SLC15A2: variants seen among roughly 807,000 people sequenced by gnomAD.
SLC15A2 encodes the protein kidney H(+)/peptide cotransporter.
A neutral mutation model predicts 95.5 loss-of-function variants in SLC15A2; 77 were observed. The observed-to-expected ratio is 0.81, with a 90% CI of 0.67 to 0.97. The LOEUF (loss-of-function observed/expected upper bound fraction) is 0.97. Among genes scored for constraint, SLC15A2 ranks in the 50% least tolerant of loss-of-function variants. SLC15A2 has a pLI of 0.00. For missense variants in SLC15A2, 893 were observed against 874.4 expected (o/e 1.02, Z -0.27); for synonymous variants, 306 against 306.9 (o/e 1.00, Z 0.03).
Position 121,940,904 on chromosome 3 carries a change from A to G in SLC15A2, c.2087A>G (p.Tyr696Cys), listed in dbSNP as rs1384488980. Residue 696 changes from tyrosine (Y) to cysteine (C), a missense_variant, in exon 22 of 22, where the codon TAT becomes TGT. Physicochemically the swap from Tyr to Cys is radical, Grantham distance 194. Transcript: ENST00000489711. ...ATCTTCTCCATCATGGGCTACTACT[A>G]TGTTCCTGTAAAGACAGAGGATATG... ...CLIFSIMGYY[Y>C]VPVKTEDMRG... 10 of 1,613,972 alleles carry G rather than the reference A, an allele frequency of 6.2e-6. No individual in the cohort carries two copies. Among genetic ancestry groups the G allele is most frequent in the East Asian group, 2.2e-5 (1 of 44,890 alleles).
In SLC15A2 at chr3:121,894,423, A is replaced by G; in HGVS notation, c.-54A>G. The G allele has an allele frequency of 2.1e-6, 3 of 1,428,490 alleles. No homozygotes were observed. Among genetic ancestry groups the G allele is most frequent in the Middle Eastern group, 1.8e-4 (1 of 5,622 alleles). 88.5% of individuals were successfully genotyped at this position (1,428,490 alleles called of 1,614,324 possible). A position where few individuals can be genotyped will look rare whatever the true frequency, so the allele number is the denominator to read the frequency against. The stretch of plus-strand genomic sequence containing the variant: ...TTCAGAGTAGGCTGGCAGCTGTCCT[A>G]ACTGCCTACTAAAGCCAAATGCTTG... On this transcript the variant is annotated 5_prime_UTR_variant, in exon 1 of 22. Coordinates refer to ENST00000489711, the MANE Select transcript of SLC15A2 (RefSeq NM_021082.4).
At chr3:121,894,869 A>G (rs1709388642) in intron 1 of SLC15A2, among the ~76,000 whole-genome samples, 2 of 152,198 alleles carry the variant, frequency 1.3e-5, no homozygotes, top group Admixed American at 6.5e-5. Flanking sequence ...ATGTCCAGGG[A>G]AACTTGGCAA....
chr3:121,910,894 G>T (rs1015777367), intron 3 of SLC15A2, among the ~76,000 whole-genome samples: 6 of 152,154 alleles, frequency 3.9e-5, no homozygotes, highest in Non-Finnish European at 7.3e-5. Context: ...ACAACAGGAT[G>T]TTCCTTCCAA....
chr3:121,922,843 G>A lies in SLC15A2; in HGVS notation c.849G>A (p.Trp283Ter). 3 of 1,613,892 alleles carry A rather than the reference G, an allele frequency of 1.9e-6. No homozygotes were observed. Among genetic ancestry groups the A allele is most frequent in the Non-Finnish European group, 8.5e-7 (1 of 1,179,822 alleles). ...DIPKRQHWLDWAAEKYPKQLI... is the reference protein window; with the variant it reads ...DIPKRQHWLD ...CAAAGCGACAGCACTGGCTAGACTGGGCGGCTGAGAAATATCCAGTAAGTT... is the reference window on the plus strand; with the variant it reads ...CAAAGCGACAGCACTGGCTAGACTGAGCGGCTGAGAAATATCCAGTAAGTT... The change falls in exon 9 of 22, where the codon TGG becomes TGA. Residue 283 changes from tryptophan to a stop codon, truncating the protein, a stop_gained. Coordinates refer to ENST00000489711, the MANE Select transcript of SLC15A2 (RefSeq NM_021082.4). LOFTEE classifies it high-confidence loss of function.
At position 121,941,950 on chromosome 3, in the gene SLC15A2, GT is replaced by G. The variant is rs1484158322; in HGVS notation, c.*946del. The G allele has an allele frequency of 6.6e-6, 1 of 152,036 alleles. No individual in the cohort carries two copies. The highest frequency in any genetic ancestry group is 1.5e-5 in the Non-Finnish European group (1 of 67,986). The allele number at this position is 152,036 out of a possible 1,614,324, so 9.4% of individuals were successfully genotyped here. On this transcript the variant is annotated 3_prime_UTR_variant, in exon 22 of 22. Transcript: ENST00000489711. ...GCAGCAAATATTCAATAACAACAAT[GT>G]TTCTATAAGTCCAACTTCCTTTATT...
At position 121,915,276 on chromosome 3, in the gene SLC15A2, C is replaced by A; in HGVS notation, c.578C>A (p.Ala193Glu). The stretch of plus-strand genomic sequence containing the variant: ...TCAGTCTTCTACCTGTCCATCAATG[C>A]AGGGAGCTTGATTTCTACATTTATC... ...YFSVFYLSIN[A>E]GSLISTFITP... The change falls in exon 6 of 22, where the codon GCA becomes GAA. Residue 193 changes from alanine to glutamate, a missense_variant. By Grantham distance (107) the Ala-to-Glu change is moderately radical (BLOSUM62 -1). Coordinates refer to ENST00000489711, the MANE Select transcript of SLC15A2 (RefSeq NM_021082.4). The A allele has an allele frequency of 6.2e-7, 1 of 1,613,784 alleles. No individual in the cohort carries two copies. Among genetic ancestry groups the A allele is most frequent in the Non-Finnish European group, 8.5e-7 (1 of 1,179,768 alleles).
intron 7 of SLC15A2, among the ~76,000 whole-genome samples, chr3:121,920,762 A>C (rs9828757): frequency 6.6e-6 from 1 of 151,794 alleles, no homozygotes; most frequent in African/African-American, 2.4e-5. Context: ...GAGTGAATCT[A>C]AATGAGACGA....
At chr3:121,927,905 T>C in intron 14 of SLC15A2, 66 bp downstream of exon 14, 1 of 1,234,966 alleles carries the variant, frequency 8.1e-7, no homozygotes. Context: ...CTCTTTTGAC[T>C]TGTTCAGTCA....
chr3:121,934,700 C>G (rs963198020), intron 19 of SLC15A2, among the ~76,000 whole-genome samples: 5 of 152,148 alleles, frequency 3.3e-5, no homozygotes, highest in African/African-American at 1.2e-4. Context: ...ACAATCATGT[C>G]GTCTGCAAAT....
chr3:121,897,416 C>T lies in SLC15A2; in HGVS notation c.222C>T (p.Phe74=), dbSNP rs758591779. The change falls in exon 3 of 22, where the codon TTC becomes TTT. Residue 74 remains phenylalanine (F), a synonymous_variant. Transcript: ENST00000489711. ...KAVLILYFLY[F]LHWNEDTSTS... ...TGCTGATCCTGTATTTCCTGTATTT[C>T]CTGCACTGGAATGAAGATACCTCCA... 13 of 1,614,022 alleles carry T rather than the reference C, an allele frequency of 8.1e-6. No homozygotes were observed. The highest frequency in any genetic ancestry group is 1.7e-5 in the Admixed American group (1 of 60,020).
intron 3 of SLC15A2, among the ~76,000 whole-genome samples, chr3:121,909,048 T>TTA (rs1419039427): frequency 2.0e-5 from 3 of 152,050 alleles, no homozygotes; most frequent in Middle Eastern, 3.4e-3. Context: ...TTATTTTTAT[T>TTA]TTTATTTATT....
intron 5 of SLC15A2, among the ~76,000 whole-genome samples, chr3:121,913,591 T>C (rs371200863): frequency 2.6e-5 from 4 of 152,176 alleles, no homozygotes; most frequent in Non-Finnish European, 4.4e-5. Flanking sequence ...TGATAAGTAG[T>C]ATAGAGATGA....
chr3:121,925,097 A>C lies in SLC15A2; in HGVS notation c.1124+64A>C, dbSNP rs984389606. The C allele has an allele frequency of 2.3e-5, 26 of 1,108,172 alleles. No homozygotes were observed. The Admixed American group carries it at 4.5e-4, about 19-fold the overall frequency. 68.6% of individuals were successfully genotyped at this position (1,108,172 alleles called of 1,614,324 possible). A position where few individuals can be genotyped will look rare whatever the true frequency, so the allele number is the denominator to read the frequency against. ...GACTCAGTCTTTGCCCAGTTTGAAA[A>C]AGATTCAATGTCAGTATTTTTCTTA... On this transcript the variant is annotated intron_variant, in intron 13 of 21. Coordinates refer to ENST00000489711, the MANE Select transcript of SLC15A2 (RefSeq NM_021082.4).
Position 121,922,204 on chromosome 3 carries a change from TG to T in SLC15A2, c.698-15del. 6.2e-7 allele frequency: 1 copy of T among 1,608,314 alleles called. No homozygotes were observed. Among genetic ancestry groups the T allele is most frequent in the Non-Finnish European group, 8.5e-7 (1 of 1,175,216 alleles). ...TAAATGAGAAGCTAAGAACCTTGTT[TG>T]TGTATCAACTGCAGTTGTGTTTGCA... On this transcript the variant is annotated splice_polypyrimidine_tract_variant and intron_variant, in intron 7 of 21. Coordinates refer to ENST00000489711, the MANE Select transcript of SLC15A2 (RefSeq NM_021082.4).
chr3:121,907,757 A>C (rs1215548708), intron 3 of SLC15A2, among the ~76,000 whole-genome samples: 1 of 152,152 alleles, frequency 6.6e-6, no homozygotes, highest in African/African-American at 2.4e-5. Flanking sequence ...TTCGTCCCAG[A>C]GGGACACCCG....
chr3:121,911,480 T>C (rs1709765906), intron 3 of SLC15A2, 94 bp from the exon 4 acceptor site: 2 of 771,026 alleles, frequency 2.6e-6, no homozygotes, highest in Admixed American at 4.4e-5. Context: ...CTCCTCCATT[T>C]ATCCCCACAC....
At chr3:121,898,789 T>C (rs1709468572) in intron 3 of SLC15A2, among the ~76,000 whole-genome samples, 1 of 152,226 alleles carries the variant, frequency 6.6e-6, no homozygotes, top group Non-Finnish European at 1.5e-5. Context: ...GGATATTTTG[T>C]GGACCCAGTG....
At chr3:121,902,070 A>G (rs1389316425) in intron 3 of SLC15A2, among the ~76,000 whole-genome samples, 3 of 152,142 alleles carry the variant, frequency 2.0e-5, no homozygotes, top group Non-Finnish European at 4.4e-5. Flanking sequence ...TGTTTAAGGA[A>G]CTCCCTATGC....
intron 19 of SLC15A2, among the ~76,000 whole-genome samples, chr3:121,932,358 T>C (rs1212551965): frequency 1.3e-5 from 2 of 152,152 alleles, no homozygotes; most frequent in African/African-American, 4.8e-5. Context: ...ATGTCTCCAA[T>C]CAAACACAAG....
Sources: allele counts gnomAD v4.1 joint callset (sites outside exome capture counted in the v4.1 genomes callset), GRCh38; gene constraint gnomAD v4.1.1; transcripts MANE v1.5; gene names NCBI Gene and HGNC (gene_info 2026-07-23, HGNC 2026-07-21).